The following DLG2 variants were observed in gnomAD, a reference collection of about 807,000 sequenced individuals.
The protein encoded by DLG2 is discs large MAGUK scaffold protein 2, also known as disks large homolog 2.
DLG2 carries 45 observed loss-of-function variants against 132.5 expected under a neutral mutation model. That is an observed-to-expected ratio of 0.34 (90% CI 0.27 to 0.44). The LOEUF (loss-of-function observed/expected upper bound fraction) is 0.44, where lower values mean the gene tolerates loss of function less well. Among genes scored for constraint, DLG2 ranks in the 20% least tolerant of loss-of-function variants. DLG2 has a pLI of 1.00. For synonymous variants in DLG2, 424 were observed against 419.6 expected, an observed-to-expected ratio of 1.01 and a Z score of -0.13; for missense variants, 1,045 against 1,196.9, an observed-to-expected ratio of 0.87 and a Z score of 1.87.
At chr11:85,317,790 G>A (rs560049445) in intron 3 of DLG2, among the ~76,000 whole-genome samples, 1 of 151,854 alleles carries the variant, frequency 6.6e-6, no homozygotes, top group South Asian at 2.1e-4. Context: ...AAAGGATGGA[G>A]AAAAATAACT....
intron 6 of DLG2, among the ~76,000 whole-genome samples, chr11:84,710,291 G>A (rs1425405914): frequency 1.3e-5 from 2 of 151,804 alleles, no homozygotes; most frequent in Non-Finnish European, 2.9e-5. Context: ...CTATTTTACC[G>A]TATTTGAGCA....
At chr11:85,187,469 A>G (rs1251125513) in intron 4 of DLG2, among the ~76,000 whole-genome samples, 1 of 152,190 alleles carries the variant, frequency 6.6e-6, no homozygotes, top group Non-Finnish European at 1.5e-5. Flanking sequence ...AGTGCTAACT[A>G]TAATAGACAT....
At chr11:85,519,862 C>T (rs2074140655) in intron 3 of DLG2, among the ~76,000 whole-genome samples, 1 of 152,088 alleles carries the variant, frequency 6.6e-6, no homozygotes, top group Non-Finnish European at 1.5e-5. Context: ...AGTTTTCCAG[C>T]ACAAGCTCTC....
At chr11:84,111,567 A>C (rs1375763542) in intron 9 of DLG2, among the ~76,000 whole-genome samples, 1 of 152,222 alleles carries the variant, frequency 6.6e-6, no homozygotes, top group East Asian at 1.9e-4. Context: ...AAATATTTGC[A>C]TGATTGAGCT....
intron 2 of DLG2, among the ~76,000 whole-genome samples, chr11:85,611,950 T>C (rs1017672958): frequency 6.8e-6 from 1 of 147,004 alleles, no homozygotes; most frequent in Admixed American, 6.8e-5. Context: ...GAGACAGAGA[T>C]ATAGAGAGAG....
At chr11:83,735,091 T>C (rs2091718827) in intron 18 of DLG2, among the ~76,000 whole-genome samples, 2 of 152,076 alleles carry the variant, frequency 1.3e-5, no homozygotes, top group African/African-American at 4.8e-5. Flanking sequence ...TTAAAATAAA[T>C]ATAATTATTT....
intron 17 of DLG2, among the ~76,000 whole-genome samples, chr11:83,821,904 G>A (rs533079513): frequency 6.6e-6 from 1 of 152,196 alleles, no homozygotes; most frequent in African/African-American, 2.4e-5. Flanking sequence ...CCATTCTATT[G>A]CATTCCTCTC....
At chr11:84,502,288 T>C (rs1164644709) in intron 7 of DLG2, among the ~76,000 whole-genome samples, 363 of 3,194 alleles carry the variant, frequency 0.11, 41 homozygotes, top group African/African-American at 0.27. Flanking sequence ...CCTTCTTTCT[T>C]TCTTTCTTTC....
rs149909760 is a variant in DLG2, at chr11:84,608,408, C to A, written c.358-73677G>T. 6.6e-5 allele frequency among the ~76,000 whole-genome samples: 10 copies of A among 152,312 alleles called. No individual in the cohort carries two copies. In the East Asian group the frequency reaches 1.9e-3, roughly 29 times the overall value. On this transcript the variant is annotated intron_variant, in intron 6 of 27. Transcript: ENST00000376104. ...CTCCAGCAATGGTTCTGAAAAGGCA[C>A]TCTTCACACACTTATCTGCTGAAGC...
At chr11:85,461,254 A>G (rs951596346) in intron 3 of DLG2, among the ~76,000 whole-genome samples, 5 of 152,300 alleles carry the variant, frequency 3.3e-5, no homozygotes, top group African/African-American at 1.2e-4. Context: ...TTCCTTTTTC[A>G]GCCTTAAGTT....
chr11:84,220,780 C>CTTTTTTTTTTTTT (rs5793114), intron 8 of DLG2, among the ~76,000 whole-genome samples: 15 of 77,504 alleles, frequency 1.9e-4, no homozygotes, highest in Admixed American at 5.8e-4. Context: ...TTTTTCTTTT[C>CTTTTTTTTTTTTT]TTTTTTTTTT....
chr11:84,138,159 C>T (rs1389197994), intron 9 of DLG2, among the ~76,000 whole-genome samples: 1 of 152,160 alleles, frequency 6.6e-6, no homozygotes, highest in Non-Finnish European at 1.5e-5. Context: ...ATACTAGTTA[C>T]TTAATCACTC....
chr11:84,953,049 G>T (rs1243179418), intron 6 of DLG2, among the ~76,000 whole-genome samples: 5 of 152,058 alleles, frequency 3.3e-5, no homozygotes, highest in African/African-American at 1.2e-4. Flanking sequence ...CCCTAGCTTA[G>T]ATCTTCATTT....
intron 6 of DLG2, among the ~76,000 whole-genome samples, chr11:84,718,801 C>T (rs555218550): frequency 2.6e-5 from 4 of 152,140 alleles, no homozygotes; most frequent in Non-Finnish European, 5.9e-5. Context: ...GTTATTGGTG[C>T]TATTCATTCA....
chr11:84,767,761 T>C (rs982959878), intron 6 of DLG2, among the ~76,000 whole-genome samples: 3 of 152,082 alleles, frequency 2.0e-5, no homozygotes, highest in African/African-American at 4.8e-5. Context: ...GAGTATTATC[T>C]GCATAATAGC....
intron 7 of DLG2, among the ~76,000 whole-genome samples, chr11:84,477,766 G>A (rs574690312): frequency 3.0e-4 from 45 of 152,270 alleles, no homozygotes; most frequent in African/African-American, 1.1e-3. Context: ...ACATTGTCAT[G>A]TTAAATAGAG....
At chr11:85,338,774 G>C (rs979449001) in intron 3 of DLG2, among the ~76,000 whole-genome samples, 1 of 147,614 alleles carries the variant, frequency 6.8e-6, no homozygotes, top group Non-Finnish European at 1.5e-5. Flanking sequence ...ACGCGATCTC[G>C]GCTCACTGCA....
intron 9 of DLG2, among the ~76,000 whole-genome samples, chr11:84,144,120 T>C (rs2094972313): frequency 6.6e-6 from 1 of 152,168 alleles, no homozygotes; most frequent in African/African-American, 2.4e-5. Flanking sequence ...TGACCTGCTA[T>C]GTAATAGGGT....
At chr11:85,011,917 G>A (rs762618893) in intron 6 of DLG2, among the ~76,000 whole-genome samples, 25 of 152,146 alleles carry the variant, frequency 1.6e-4, no homozygotes, top group Non-Finnish European at 3.1e-4. Context: ...TTACTATTGA[G>A]TATGCTTTTT....
Sources: allele counts gnomAD v4.1 joint callset (sites outside exome capture counted in the v4.1 genomes callset), GRCh38; gene constraint gnomAD v4.1.1; transcripts MANE v1.5; gene names NCBI Gene and HGNC (gene_info 2026-07-23, HGNC 2026-07-21).